ATP2B1: variants seen among roughly 807,000 people sequenced by gnomAD.
ATP2B1 encodes ATPase plasma membrane Ca2+ transporting 1, also known as plasma membrane calcium-transporting ATPase 1.
A neutral mutation model predicts 124.2 loss-of-function variants in ATP2B1; 14 were observed. That is an observed-to-expected ratio of 0.11 (90% CI 0.07 to 0.18). ATP2B1 has a LOEUF of 0.18. Among genes scored for constraint, ATP2B1 ranks in the 10% least tolerant of loss-of-function variants. The probability of loss-of-function intolerance (pLI) is 1.00; values close to 1 mark genes in which losing one functional copy is unlikely to be tolerated. For missense variants in ATP2B1, 763 were observed against 1,466.1 expected (o/e 0.52, Z 7.83); for synonymous variants, 449 against 492.4 (o/e 0.91, Z 1.17).
At chr12:89,614,724 T>C (rs974109102) in intron 12 of ATP2B1, among the ~76,000 whole-genome samples, 5 of 152,232 alleles carry the variant, frequency 3.3e-5, no homozygotes, top group East Asian at 1.9e-4. Flanking sequence ...GTCCAAATGC[T>C]TGACATACAT....
intron 1 of ATP2B1, among the ~76,000 whole-genome samples, chr12:89,697,349 A>C (rs966834369): frequency 6.6e-6 from 1 of 152,190 alleles, no homozygotes; most frequent in African/African-American, 2.4e-5. Flanking sequence ...AGGAATCTGG[A>C]TTTGCAAAGT....
intron 18 of ATP2B1, 122 bp from the exon 19 acceptor site, chr12:89,601,555 A>G: frequency 1.8e-6 from 1 of 540,860 alleles, no homozygotes; most frequent in Non-Finnish European, 3.1e-6. Context: ...GATGAATTGT[A>G]TTATATTAGT....
chr12:89,624,343 T>C lies in ATP2B1; in HGVS notation c.1184A>G (p.Asp395Gly). 1 of 1,614,090 alleles carries C rather than the reference T, an allele frequency of 6.2e-7. No individual in the cohort carries two copies. Among genetic ancestry groups the C allele is most frequent in the Non-Finnish European group, 8.5e-7 (1 of 1,179,996 alleles). Residue 395 changes from aspartate to glycine, a missense_variant, in exon 9 of 21, where the codon GAC becomes GGC. Transcript: ENST00000428670. Reference protein sequence around the residue: ...VIILVLYFVIDTFWVQKRPWL... With the variant: ...VIILVLYFVIGTFWVQKRPWL... ...TGGTCTTTTCTGAACCCAGAAGGTG[T>C]CAATGACAAAATATAATACTAGAAT...
At chr12:89,601,957 A>G (rs1875936190) in intron 18 of ATP2B1, among the ~76,000 whole-genome samples, 1 of 152,248 alleles carries the variant, frequency 6.6e-6, no homozygotes, top group Admixed American at 6.5e-5. Flanking sequence ...CACAGACTAT[A>G]TGAGAAGAAA....
chr12:89,638,356 C>T (rs1015882137), intron 3 of ATP2B1, among the ~76,000 whole-genome samples: 10 of 152,158 alleles, frequency 6.6e-5, no homozygotes, highest in African/African-American at 2.4e-4. Context: ...GGGTGATGTA[C>T]CAAGTTTGTA....
chr12:89,683,608 G>C (rs1889620284), intron 1 of ATP2B1, among the ~76,000 whole-genome samples: 1 of 152,208 alleles, frequency 6.6e-6, no homozygotes, highest in East Asian at 1.9e-4. Context: ...TCCAGCCCCC[G>C]GTCATTTGAG....
chr12:89,603,201 G>A lies in ATP2B1; in HGVS notation c.2902C>T (p.Pro968Ser), dbSNP rs1215777169. 2 of 1,613,012 alleles carry A rather than the reference G, an allele frequency of 1.2e-6. No homozygotes were observed. The highest frequency in any genetic ancestry group is 2.2e-5 in the East Asian group (1 of 44,774). Residue 968 changes from proline to serine, a missense_variant, in exon 18 of 21, where the codon CCT becomes TCT. Pro to Ser is a moderately conservative substitution (Grantham distance 74). Transcript: ENST00000428670. This position sits in a 1 kb window ranked among gnomAD's most constrained non-coding sequence, Gnocchi z 4.3. ...SGRNAPLHAP[P>S]SEHYTIVFNT... ...AAAACAATAGTATAATGTTCTGAAG[G>A]AGGAGCATGCAAAGGAGCATTTCTT...
At chr12:89,690,758 A>C (rs1195861086) in intron 1 of ATP2B1, among the ~76,000 whole-genome samples, 1 of 152,054 alleles carries the variant, frequency 6.6e-6, no homozygotes, top group Non-Finnish European at 1.5e-5. Context: ...TTTCTCCTAA[A>C]ACTTCTGGTA....
intron 1 of ATP2B1, among the ~76,000 whole-genome samples, chr12:89,702,587 CTTCT>C (rs1891986016): frequency 2.0e-5 from 3 of 152,132 alleles, no homozygotes; most frequent in Non-Finnish European, 4.4e-5. Flanking sequence ...ACAGTCAAAT[CTTCT>C]TTAAGACCTA....
intron 1 of ATP2B1, among the ~76,000 whole-genome samples, chr12:89,697,107 G>A (rs1318343771): frequency 1.4e-5 from 2 of 142,132 alleles, no homozygotes; most frequent in Non-Finnish European, 1.5e-5. Context: ...CAAATATCAA[G>A]TTCCTTAATA....
intron 12 of ATP2B1, among the ~76,000 whole-genome samples, chr12:89,614,960 C>T (rs1303536883): frequency 1.3e-5 from 2 of 152,218 alleles, no homozygotes; most frequent in South Asian, 2.1e-4. Context: ...CTGTCTTACA[C>T]GTACCCAAAA....
chr12:89,654,990 T>C (rs1386377280), intron 2 of ATP2B1, among the ~76,000 whole-genome samples: 1 of 152,186 alleles, frequency 6.6e-6, no homozygotes, highest in Non-Finnish European at 1.5e-5. Context: ...TGAAAGGCAA[T>C]CTTCTGAAAT....
In ATP2B1 at chr12:89,588,960, C is replaced by T. The variant is rs967454243; in HGVS notation, c.*2024G>A. 3 of 152,558 alleles carry T rather than the reference C, an allele frequency of 2.0e-5. No individual in the cohort carries two copies. The highest frequency in any genetic ancestry group is 7.2e-5 in the African/African-American group (3 of 41,424). The allele number at this position is 152,558 out of a possible 1,614,324, so 9.5% of individuals were successfully genotyped here. On this transcript the variant is annotated 3_prime_UTR_variant, in exon 21 of 21. Coordinates refer to ENST00000428670, the MANE Select transcript of ATP2B1 (RefSeq NM_001366521.1). ...TTAGGGTAAATGATTTTCCCAAGATCATGCAGCACATTAATGGCAAAACCA... is the reference window on the plus strand; with the variant it reads ...TTAGGGTAAATGATTTTCCCAAGATTATGCAGCACATTAATGGCAAAACCA...
At chr12:89,670,345 A>T (rs780757842) in intron 1 of ATP2B1, among the ~76,000 whole-genome samples, 45 of 150,076 alleles carry the variant, frequency 3.0e-4, no homozygotes, top group African/African-American at 9.3e-4. Flanking sequence ...AATGCAATGG[A>T]TGTTATGTGC....
intron 1 of ATP2B1, among the ~76,000 whole-genome samples, chr12:89,696,673 T>C (rs540845686): frequency 6.6e-6 from 1 of 152,324 alleles, no homozygotes; most frequent in Admixed American, 6.5e-5. Flanking sequence ...TTCCAAACAT[T>C]ATATAGTGTT....
chr12:89,590,687 C>G lies in ATP2B1; in HGVS notation c.*297G>C, dbSNP rs1873392366. On this transcript the variant is annotated 3_prime_UTR_variant, in exon 21 of 21. Coordinates refer to ENST00000428670, the MANE Select transcript of ATP2B1 (RefSeq NM_001366521.1). ...CATCCAGGACTGAGATAAACTAAAG[C>G]TCTGCTAATACACTGTTCAGGACCA... 1 of 224,094 alleles carries G rather than the reference C, an allele frequency of 4.5e-6. No individual in the cohort carries two copies. The highest frequency in any genetic ancestry group is 1.1e-4 in the South Asian group (1 of 9,090). 13.9% of individuals were successfully genotyped at this position (224,094 alleles called of 1,614,324 possible).
chr12:89,604,320 T>C lies in ATP2B1; in HGVS notation c.2469A>G (p.Lys823=). 6.2e-7 allele frequency: 1 copy of C among 1,610,722 alleles called. No individual in the cohort carries two copies. The highest frequency in any genetic ancestry group is 8.5e-7 in the Non-Finnish European group (1 of 1,179,108). The change falls in exon 16 of 21, where the codon AAA becomes AAG. Residue 823 remains lysine, a synonymous_variant. Coordinates refer to ENST00000428670, the MANE Select transcript of ATP2B1 (RefSeq NM_001366521.1). ...CTGTGAGAATAATATCGGATGCTTCTTTAGCTACATCAGTTCCAGCAATAC... is the reference window on the plus strand; with the variant it reads ...CTGTGAGAATAATATCGGATGCTTCCTTAGCTACATCAGTTCCAGCAATAC... ...AMGIAGTDVA[K]EASDIILTDD...
chr12:89,592,724 T>G (rs1224505303), intron 20 of ATP2B1, among the ~76,000 whole-genome samples: 1 of 152,112 alleles, frequency 6.6e-6, no homozygotes. Flanking sequence ...GGTACTTGCC[T>G]TACGGGGTTG....
At chr12:89,689,699 C>T (rs1890342406) in intron 1 of ATP2B1, among the ~76,000 whole-genome samples, 1 of 152,084 alleles carries the variant, frequency 6.6e-6, no homozygotes, top group Non-Finnish European at 1.5e-5. Flanking sequence ...TTGTAGACTT[C>T]CATTTGTCTA....
Sources: allele counts gnomAD v4.1 joint callset (sites outside exome capture counted in the v4.1 genomes callset), GRCh38; gene constraint gnomAD v4.1.1; non-coding constraint Gnocchi (gnomAD v3.1); transcripts MANE v1.5; gene names NCBI Gene and HGNC (gene_info 2026-07-23, HGNC 2026-07-21).